IQCH: variants seen among roughly 807,000 people sequenced by gnomAD.
IQCH encodes the protein IQ domain-containing protein H.
A neutral mutation model predicts 117.0 loss-of-function variants in IQCH; 98 were observed. The ratio of observed to expected loss-of-function variants is 0.84; its 90% CI spans 0.71 to 0.99. IQCH has a LOEUF of 0.99. Among genes scored for constraint, IQCH ranks in the 50% least tolerant of loss-of-function variants. IQCH has a pLI of 0.00. For synonymous variants in IQCH, 412 were observed against 448.2 expected (o/e 0.92, Z 1.02); for missense variants, 1,102 against 1,243.8 (o/e 0.89, Z 1.72).
chr15:67,395,430 T>C lies in IQCH; in HGVS notation c.1772T>C (p.Leu591Ser), dbSNP rs1971432089. The C allele has an allele frequency of 7.4e-6, 12 of 1,614,044 alleles. No homozygotes were observed. The South Asian group carries it at 1.3e-4, about 18-fold the overall frequency. The change falls in exon 13 of 21, where the codon TTA becomes TCA. Residue 591 changes from leucine (L) to serine (S), a missense_variant. Around this residue, in one of 2 missense-constraint regions of IQCH, gnomAD observed 650 missense variants for 794.3 expected, o/e 0.82. Transcript: ENST00000335894. The surrounding 1 kb of genome is among the most constrained non-coding windows in gnomAD (Gnocchi z 4.0). ...GATGATTTAGCTGTGGCCGATATGT[T>C]AGACATACCCATCCTGGGCTCTGAG... is the stretch of plus-strand genomic sequence containing the variant. ...HRDDLAVADM[L>S]DIPILGSEPE...
At chr15:67,255,594 A>G (rs1032385835) in intron 1 of IQCH, among the ~76,000 whole-genome samples, 3 of 152,238 alleles carry the variant, frequency 2.0e-5, no homozygotes, top group Non-Finnish European at 4.4e-5. Flanking sequence ...CATTTATGTG[A>G]GGTAACTTTA....
In IQCH at chr15:67,413,160, T is replaced by G. The variant is rs920095788; in HGVS notation, c.2098-3771T>G. Among the ~76,000 whole-genome samples the G allele has an allele frequency of 9.9e-5, 15 of 152,088 alleles. No individual in the cohort carries two copies. Among genetic ancestry groups the G allele is most frequent in the Non-Finnish European group, 7.4e-5 (5 of 68,016 alleles). ...ACTTGAATAGCTACAGATCTTCCCT[T>G]ACCAGCATCTGCCCTTAAAGTTGTG... On this transcript the variant is annotated intron_variant, in intron 14 of 20. Transcript: ENST00000335894. This position sits in a 1 kb window ranked among gnomAD's most constrained non-coding sequence, Gnocchi z 5.0.
At chr15:67,440,100 C>T (rs2082232540) in intron 16 of IQCH, among the ~76,000 whole-genome samples, 1 of 151,976 alleles carries the variant, frequency 6.6e-6, no homozygotes, top group African/African-American at 2.4e-5. Context: ...CCTTTACACA[C>T]ATAAACTAGA....
intron 4 of IQCH, among the ~76,000 whole-genome samples, chr15:67,334,090 A>C (rs1221498562): frequency 6.6e-6 from 1 of 152,196 alleles, no homozygotes; most frequent in African/African-American, 2.4e-5. Flanking sequence ...TAGAAGATTT[A>C]GCATCAAGTG....
rs202094979 is a variant in IQCH, at chr15:67,403,375, T to TA, written c.2097+3079dup. ...GATGCTGAAAAGTTGTAGTCACGGTTAAAAAAAAATCAGTAGAGACATGTA... is the reference window on the plus strand; with the variant it reads ...GATGCTGAAAAGTTGTAGTCACGGTTAAAAAAAAAATCAGTAGAGACATGTA... On this transcript the variant is annotated intron_variant, in intron 14 of 20. Transcript: ENST00000335894. This position sits in a 1 kb window ranked among gnomAD's most constrained non-coding sequence, Gnocchi z 4.8. Among the ~76,000 whole-genome samples, 8 of 151,712 alleles carry TA rather than the reference T, an allele frequency of 5.3e-5. No homozygotes were observed. The highest frequency in any genetic ancestry group is 2.1e-4 in the South Asian group (1 of 4,798).
rs2082574359 is a variant in IQCH at position 67,453,157 on chromosome 15, GC to G, written c.2506-11968del. On this transcript the variant is annotated intron_variant, in intron 16 of 20. Transcript: ENST00000335894. This position sits in a 1 kb window ranked among gnomAD's most constrained non-coding sequence, Gnocchi z 5.8. ...TTTTTTCAAAGCTTTTAACTTCTTT[GC>G]CATTGGTTCGAATTTCCTCCTGTAG... 2.6e-5 allele frequency among the ~76,000 whole-genome samples: 4 copies of G among 151,954 alleles called. No homozygotes were observed. Among genetic ancestry groups the G allele is most frequent in the Non-Finnish European group, 5.9e-5 (4 of 67,994 alleles).
chr15:67,304,339 C>T lies in IQCH; in HGVS notation c.387+24827C>T, dbSNP rs189918232. On this transcript the variant is annotated intron_variant, in intron 4 of 20. Coordinates refer to ENST00000335894, the MANE Select transcript of IQCH (RefSeq NM_001031715.3). Reference sequence around the variant, plus strand: ...AAGTTTCATTGTTTCTTTGTTTCAGCGAAAGATAGGGTTGAATGTAAAAAT... The same window carrying T: ...AAGTTTCATTGTTTCTTTGTTTCAGTGAAAGATAGGGTTGAATGTAAAAAT... The T allele has an allele frequency of 5.6e-4, 835 of 1,487,844 alleles. 17 individuals carry two copies. The Admixed American group carries it at 0.016, about 29-fold the overall frequency. The allele number at this position is 1,487,844 out of a possible 1,614,324, so 92.2% of individuals were successfully genotyped here.
intron 4 of IQCH, among the ~76,000 whole-genome samples, chr15:67,307,578 A>G (rs1300409166): frequency 1.3e-5 from 2 of 152,138 alleles, no homozygotes; most frequent in East Asian, 3.8e-4. Flanking sequence ...AAGCCCATGC[A>G]TATGGCCACA....
intron 4 of IQCH, among the ~76,000 whole-genome samples, chr15:67,295,925 C>T (rs1056797324): frequency 2.6e-5 from 4 of 152,122 alleles, no homozygotes; most frequent in African/African-American, 9.7e-5. Context: ...TCACTCTGGT[C>T]TTAGTCTAAT....
chr15:67,375,431 TAATAA>T (rs1463999717), intron 10 of IQCH, among the ~76,000 whole-genome samples: 2 of 152,042 alleles, frequency 1.3e-5, no homozygotes, highest in African/African-American at 2.4e-5. Context: ...CTAAAAAAAT[TAATAA>T]AATAAAATAA....
intron 16 of IQCH, among the ~76,000 whole-genome samples, chr15:67,441,122 CAAAAAAAAAAA>C (rs200254535): frequency 2.0e-4 from 11 of 54,010 alleles, no homozygotes; most frequent in South Asian, 6.2e-4. Context: ...GCAATAGCTG[CAAAAAAAAAAA>C]AAAAAAAAAA....
intron 16 of IQCH, among the ~76,000 whole-genome samples, chr15:67,462,706 A>T (rs2082828931): frequency 6.6e-6 from 1 of 152,094 alleles, no homozygotes; most frequent in South Asian, 2.1e-4. Context: ...CATTAATATT[A>T]TTAACATAAA....
intron 3 of IQCH, among the ~76,000 whole-genome samples, chr15:67,275,190 G>A (rs535864183): frequency 1.5e-4 from 23 of 152,312 alleles, no homozygotes; most frequent in African/African-American, 5.5e-4. Context: ...GTTGAGGTAG[G>A]GACAGGTCTT....
chr15:67,350,083 A>T (rs185224700), intron 6 of IQCH, among the ~76,000 whole-genome samples: 33 of 152,370 alleles, frequency 2.2e-4, no homozygotes, highest in African/African-American at 7.9e-4. Context: ...AAGGTTTGTA[A>T]TATATGAATG....
intron 3 of IQCH, among the ~76,000 whole-genome samples, chr15:67,274,118 A>G (rs1966020922): frequency 6.6e-6 from 1 of 151,876 alleles, no homozygotes; most frequent in East Asian, 1.9e-4. Context: ...GACCTTTGAG[A>G]GTTTGATTAG....
intron 4 of IQCH, among the ~76,000 whole-genome samples, chr15:67,310,498 C>T (rs181925196): frequency 2.6e-5 from 4 of 152,198 alleles, no homozygotes; most frequent in Admixed American, 1.3e-4. Flanking sequence ...CCTGACTCCT[C>T]GTAATCATTC....
intron 13 of IQCH, 146 bp from the exon 14 acceptor site, chr15:67,399,968 A>G (rs1388817270): frequency 1.7e-6 from 1 of 576,632 alleles, no homozygotes; most frequent in African/African-American, 1.9e-5. Context: ...AACTTCTTTA[A>G]TCTGTCTTAA....
intron 18 of IQCH, 138 bp from the exon 19 acceptor site, chr15:67,489,865 G>T (rs971071827): frequency 2.7e-6 from 2 of 727,652 alleles, no homozygotes; most frequent in Non-Finnish European, 4.8e-6. Context: ...CTTTCCAAAT[G>T]TGTTCTCATA....
chr15:67,261,859 G>T (rs1005418197), intron 2 of IQCH, among the ~76,000 whole-genome samples: 1 of 152,180 alleles, frequency 6.6e-6, no homozygotes, highest in African/African-American at 2.4e-5. Context: ...GCCAAGGCAG[G>T]CAGGTCACTT....
Sources: gnomAD v4.1 joint callset for allele counts (sites outside exome capture counted in the v4.1 genomes callset) on GRCh38, gnomAD v4.1.1 for gene constraint, gnomAD v4.1.1 regional missense constraint, Gnocchi (gnomAD v3.1) non-coding constraint, MANE v1.5 for transcripts, NCBI Gene and HGNC (gene_info 2026-07-23, HGNC 2026-07-21) for gene names.